Variants in USP47 observed in about 807,000 individuals in gnomAD.
USP47 encodes ubiquitin specific peptidase 47.
In USP47, 35 loss-of-function variants were observed where a neutral mutation model predicts 165.1. The observed-to-expected ratio is 0.21, with a 90% confidence interval of 0.16 to 0.28. The LOEUF is 0.28. USP47 is among the 10% of genes least tolerant of loss of function. The pLI is 1.00. For missense variants in USP47, 1,277 were observed against 1,607.4 expected, an observed-to-expected ratio of 0.79 and a Z score of 3.52; for synonymous variants, 531 against 544.5, an observed-to-expected ratio of 0.98 and a Z score of 0.35.
At chr11:11,916,698 A>T (rs1011927144) in intron 8 of USP47, among the ~76,000 whole-genome samples, 1 of 152,212 alleles carries the variant, frequency 6.6e-6, no homozygotes, top group Non-Finnish European at 1.5e-5. Context: ...GGTGTCCAAC[A>T]TAATTGGAGT....
chr11:11,942,667 A>G lies in USP47; in HGVS notation c.2646A>G (p.Thr882=). ...GGGACAGCAGCAAAAGTACTGAGACAAGTGACTTTGAAAACATCGAATCAC... is the reference window on the plus strand; with the variant it reads ...GGGACAGCAGCAAAAGTACTGAGACGAGTGACTTTGAAAACATCGAATCAC... The part of the protein sequence containing the change: ...DNGDSSKSTE[T]SDFENIESPL... Residue 882 remains threonine, a synonymous_variant, in exon 20 of 28, where the codon ACA becomes ACG. Coordinates refer to ENST00000527733, the MANE Select transcript of USP47 (RefSeq NM_001282659.2). 2 of 1,613,556 alleles carry G rather than the reference A, an allele frequency of 1.2e-6. No individual in the cohort carries two copies. Among genetic ancestry groups the G allele is most frequent in the South Asian group, 1.1e-5 (1 of 91,064 alleles).
chr11:11,925,776 C>T (rs1204682371), intron 11 of USP47, among the ~76,000 whole-genome samples: 3 of 151,954 alleles, frequency 2.0e-5, no homozygotes, highest in Admixed American at 6.6e-5. Context: ...TCCAGTACTA[C>T]GTTGAACAGA....
At chr11:11,902,941 A>G (rs1852320640) in intron 6 of USP47, 81 bp downstream of exon 6, 1 of 1,373,262 alleles carries the variant, frequency 7.3e-7, no homozygotes, top group Non-Finnish European at 9.7e-7. Context: ...CACATTACAC[A>G]TAATTACCTT....
At chr11:11,860,405 C>T (rs1353067143) in intron 1 of USP47, among the ~76,000 whole-genome samples, 2 of 152,124 alleles carry the variant, frequency 1.3e-5, no homozygotes, top group Non-Finnish European at 2.9e-5. Flanking sequence ...TCTTTTGACT[C>T]TGCAGTCCAT....
At chr11:11,897,156 A>G (rs761507754) in intron 4 of USP47, among the ~76,000 whole-genome samples, 6 of 151,220 alleles carry the variant, frequency 4.0e-5, no homozygotes, top group South Asian at 2.1e-4. Context: ...CTGGTTCTGT[A>G]TAGTCTTTCT....
intron 24 of USP47, chr11:11,951,066 C>G (rs1856188658): frequency 6.6e-6 from 1 of 152,300 alleles, no homozygotes. Context: ...AGGGTTGGTT[C>G]CTTCTGAGTG....
rs56976706 is a variant in USP47 at position 11,923,041 on chromosome 11, C to CATATATATATAT, written c.1386+183_1386+194dup. ...ACTTCTCAAATATAGTTTTTTTGTA[C>CATATATATATAT]ATATATATATATATATATATATATA... On this transcript the variant is annotated intron_variant, in intron 11 of 27. Coordinates refer to ENST00000527733, the MANE Select transcript of USP47 (RefSeq NM_001282659.2). 95 of 139,788 alleles carry CATATATATATAT rather than the reference C, an allele frequency of 6.8e-4. 1 individual carries two copies. The highest frequency in any genetic ancestry group is 1.0e-3 in the East Asian group (5 of 4,974). 8.7% of individuals were successfully genotyped at this position (139,788 alleles called of 1,614,324 possible).
intron 25 of USP47, among the ~76,000 whole-genome samples, chr11:11,953,327 A>G (rs1197491113): frequency 1.3e-5 from 2 of 152,246 alleles, no homozygotes; most frequent in East Asian, 3.8e-4. Flanking sequence ...TACTAGCACA[A>G]TGAGCATTTT....
intron 3 of USP47, among the ~76,000 whole-genome samples, chr11:11,891,342 G>A (rs1851500464): frequency 6.6e-6 from 1 of 152,092 alleles, no homozygotes; most frequent in African/African-American, 2.4e-5. Flanking sequence ...TGCCTGTCTG[G>A]ATACTAGACA....
chr11:11,842,749 G>A (rs1564846852), intron 1 of USP47, among the ~76,000 whole-genome samples: 1 of 152,044 alleles, frequency 6.6e-6, no homozygotes, highest in Non-Finnish European at 1.5e-5. Flanking sequence ...TGCCTAAATG[G>A]GGCCTACCGA....
chr11:11,877,335 A>G (rs2134283421), intron 1 of USP47, among the ~76,000 whole-genome samples: 1 of 152,334 alleles, frequency 6.6e-6, no homozygotes, highest in African/African-American at 2.4e-5. Context: ...ATATTAAAGT[A>G]TAGGTGAAAT....
chr11:11,921,232 G>GT lies in USP47; in HGVS notation c.1218+748dup, dbSNP rs547813308. ...TTTATTCTCAGAATTACCCTGAAGC[G>GT]TTTTTTTTTTGTTTTGTTTTGTTTT... On this transcript the variant is annotated intron_variant, in intron 10 of 27. Transcript: ENST00000527733. Among the ~76,000 whole-genome samples, 450 of 145,924 alleles carry GT rather than the reference G, an allele frequency of 3.1e-3. 1 individual carries two copies. Among genetic ancestry groups the GT allele is most frequent in the Middle Eastern group, 7.2e-3 (2 of 278 alleles).
intron 5 of USP47, among the ~76,000 whole-genome samples, chr11:11,900,262 T>G (rs1295436066): frequency 6.6e-6 from 1 of 150,840 alleles, no homozygotes; most frequent in Non-Finnish European, 1.5e-5. Context: ...GGGGTTCATG[T>G]TCATTCTCCT....
At chr11:11,853,062 A>G (rs1001808868) in intron 1 of USP47, among the ~76,000 whole-genome samples, 1 of 152,032 alleles carries the variant, frequency 6.6e-6, no homozygotes, top group Non-Finnish European at 1.5e-5. Context: ...GATTAGTCAT[A>G]TAGATTTTTT....
At chr11:11,940,589 A>G in intron 19 of USP47, 41 bp downstream of exon 19, 6 of 1,595,510 alleles carry the variant, frequency 3.8e-6, no homozygotes, top group Non-Finnish European at 5.1e-6. Context: ...CTATGCTGGT[A>G]GTAGTAAATG....
intron 20 of USP47, among the ~76,000 whole-genome samples, chr11:11,947,062 C>A (rs1274042254): frequency 6.6e-6 from 1 of 152,130 alleles, no homozygotes. Context: ...CCAGGGAGGT[C>A]CAGTGGCCTG....
chr11:11,920,531 C>G lies in USP47; in HGVS notation c.1218+37C>G, dbSNP rs771625889. 3 of 1,557,632 alleles carry G rather than the reference C, an allele frequency of 1.9e-6. No homozygotes were observed. The South Asian group carries it at 3.7e-5, about 19-fold the overall frequency. On this transcript the variant is annotated intron_variant, in intron 10 of 27. Transcript: ENST00000527733. ...TTATTTTAAAGTATTTTTCATTAAT[C>G]CACATTAGTCAGTCATGGTTTTGAA...
intron 20 of USP47, chr11:11,943,331 A>G: frequency 2.7e-6 from 1 of 367,680 alleles, no homozygotes; most frequent in Non-Finnish European, 4.8e-6. Context: ...AGTAAAAAAA[A>G]ATAGTATTCA....
chr11:11,950,663 T>C (rs557131384), intron 24 of USP47, among the ~76,000 whole-genome samples, 181 bp downstream of exon 24: 28 of 152,308 alleles, frequency 1.8e-4, no homozygotes, highest in African/African-American at 5.5e-4. Context: ...CTACGTCTTA[T>C]CCTTGGGAGT....
Sources: gnomAD v4.1 joint callset for allele counts (sites outside exome capture counted in the v4.1 genomes callset) on GRCh38, gnomAD v4.1.1 for gene constraint, MANE v1.5 for transcripts, NCBI Gene and HGNC (gene_info 2026-07-23, HGNC 2026-07-21) for gene names.